Variants in NKAIN3 observed in about 807,000 individuals in gnomAD.
The protein encoded by NKAIN3 is sodium/potassium transporting ATPase interacting 3.
Under a neutral mutation model 30.2 loss-of-function variants are expected in NKAIN3, and 25 were observed. The observed-to-expected ratio is 0.83, with a 90% CI of 0.60 to 1.16. The LOEUF is 1.16. NKAIN3 is among the 50% of genes most tolerant of loss of function. NKAIN3 has a pLI of 0.00. For synonymous variants in NKAIN3, 91 were observed against 89.6 expected (o/e 1.02, Z -0.09); for missense variants, 225 against 254.1 (o/e 0.89, Z 0.78).
chr8:62,311,432 A>T (rs1814426782), intron 1 of NKAIN3, among the ~76,000 whole-genome samples: 1 of 150,404 alleles, frequency 6.6e-6, no homozygotes, highest in African/African-American at 2.5e-5. Context: ...GGGCCTACGG[A>T]TTTAAGTAGT....
At chr8:62,442,675 G>A in intron 1 of NKAIN3, among the ~76,000 whole-genome samples, 1 of 150,714 alleles carries the variant, frequency 6.6e-6, no homozygotes. Flanking sequence ...TATCTAACTT[G>A]TTTTCACTTC....
intron 4 of NKAIN3, among the ~76,000 whole-genome samples, chr8:62,788,567 T>C (rs1563561918): frequency 6.6e-6 from 1 of 152,244 alleles, no homozygotes; most frequent in African/African-American, 2.4e-5. Flanking sequence ...TTTTGGCTTT[T>C]GTTGCCATTG....
chr8:62,494,726 T>C lies in NKAIN3; in HGVS notation c.55-84813T>C, dbSNP rs185431607. On this transcript the variant is annotated intron_variant, in intron 1 of 6. Transcript: ENST00000623646. Reference sequence around the variant, plus strand: ...GTTCAGGGAATCAATTTCGTTCTGGTTCAGTCTTAGGAGGGTGTTATGTGT... The same window carrying C: ...GTTCAGGGAATCAATTTCGTTCTGGCTCAGTCTTAGGAGGGTGTTATGTGT... Among the ~76,000 whole-genome samples the C allele has an allele frequency of 4.6e-4, 70 of 152,160 alleles. 2 individuals carry two copies. The highest frequency in any genetic ancestry group is 1.6e-3 in the African/African-American group (67 of 41,530).
At chr8:62,848,242 C>G (rs28825674) in intron 4 of NKAIN3, among the ~76,000 whole-genome samples, 1 of 152,084 alleles carries the variant, frequency 6.6e-6, no homozygotes, top group Admixed American at 6.6e-5. Flanking sequence ...GGGAGTAGCA[C>G]TGAATCTATA....
At chr8:62,852,394 T>C (rs1563593864) in intron 4 of NKAIN3, among the ~76,000 whole-genome samples, 1 of 152,192 alleles carries the variant, frequency 6.6e-6, no homozygotes, top group Non-Finnish European at 1.5e-5. Context: ...GTTGATCTTT[T>C]CAAAAACCAG....
intron 3 of NKAIN3, among the ~76,000 whole-genome samples, chr8:62,728,858 C>T (rs975905307): frequency 3.3e-4 from 49 of 150,024 alleles, no homozygotes; most frequent in Non-Finnish European, 2.7e-4. Context: ...GGCGTGGTGG[C>T]GGGCGCCTAT....
intron 3 of NKAIN3, among the ~76,000 whole-genome samples, chr8:62,733,896 A>G (rs967018391): frequency 2.6e-5 from 4 of 152,192 alleles, no homozygotes; most frequent in African/African-American, 4.8e-5. Flanking sequence ...TCTTGCTTCA[A>G]TTATGTTTTT....
At chr8:62,556,781 A>G (rs541493458) in intron 1 of NKAIN3, among the ~76,000 whole-genome samples, 14 of 152,124 alleles carry the variant, frequency 9.2e-5, no homozygotes, top group Non-Finnish European at 1.9e-4. Context: ...CATCAAATAT[A>G]TAAAGCAAAA....
intron 3 of NKAIN3, among the ~76,000 whole-genome samples, chr8:62,609,567 A>C (rs1238855001): frequency 6.6e-6 from 1 of 152,166 alleles, no homozygotes; most frequent in African/African-American, 2.4e-5. Context: ...ATTTGCTCTC[A>C]AAGAGCTTTT....
intron 1 of NKAIN3, among the ~76,000 whole-genome samples, chr8:62,313,535 C>G (rs1814515023): frequency 6.6e-6 from 1 of 152,066 alleles, no homozygotes; most frequent in African/African-American, 2.4e-5. Context: ...AGAGCAAGTA[C>G]TCAGGGCATA....
At chr8:62,558,613 G>A (rs1184942916) in intron 1 of NKAIN3, among the ~76,000 whole-genome samples, 1 of 152,022 alleles carries the variant, frequency 6.6e-6, no homozygotes, top group African/African-American at 2.4e-5. Context: ...CATAAGACAA[G>A]TCTCAACAAA....
chr8:62,836,675 G>GGA (rs1819375371), intron 4 of NKAIN3, among the ~76,000 whole-genome samples: 1 of 152,088 alleles, frequency 6.6e-6, no homozygotes. Flanking sequence ...GCCAGCATGA[G>GGA]TCAGCCTGGC....
At chr8:62,890,293 G>A (rs180757253) in intron 4 of NKAIN3, among the ~76,000 whole-genome samples, 1 of 152,276 alleles carries the variant, frequency 6.6e-6, no homozygotes, top group African/African-American at 2.4e-5. Flanking sequence ...ATACCAAATA[G>A]ATGTTTAGCA....
At chr8:62,546,824 A>T (rs1585930465) in intron 1 of NKAIN3, among the ~76,000 whole-genome samples, 1 of 152,208 alleles carries the variant, frequency 6.6e-6, no homozygotes, top group East Asian at 1.9e-4. Flanking sequence ...TACACTTAGA[A>T]TGCTGTCCCT....
intron 1 of NKAIN3, among the ~76,000 whole-genome samples, chr8:62,317,187 T>G (rs1452297037): frequency 1.3e-5 from 2 of 152,228 alleles, no homozygotes; most frequent in Non-Finnish European, 2.9e-5. Flanking sequence ...CTTTGTCAGA[T>G]AAGTGGATTG....
chr8:62,681,049 T>A (rs1372027433), intron 3 of NKAIN3, among the ~76,000 whole-genome samples: 2 of 152,178 alleles, frequency 1.3e-5, no homozygotes, highest in Non-Finnish European at 2.9e-5. Flanking sequence ...GAACAGCAAT[T>A]CTGGTGACTA....
At chr8:62,986,815 C>T (rs1233704232), downstream of NKAIN3, among the ~76,000 whole-genome samples, 1 of 152,120 alleles carries the variant, frequency 6.6e-6, no homozygotes, top group Admixed American at 6.5e-5. Context: ...TTTTATCACC[C>T]TGCTTAAAAT....
intron 1 of NKAIN3, chr8:62,483,772 C>T (rs2129601042): frequency 3.6e-6 from 1 of 278,908 alleles, no homozygotes; most frequent in Non-Finnish European, 6.9e-6. Flanking sequence ...TTTGCAGCTT[C>T]TTCAAGCTCC....
chr8:62,554,822 A>C (rs1036154004), intron 1 of NKAIN3, among the ~76,000 whole-genome samples: 3 of 152,068 alleles, frequency 2.0e-5, no homozygotes, highest in Non-Finnish European at 1.5e-5. Context: ...GAACCCTTTG[A>C]CTTATATCTC....
Sources: gnomAD v4.1 joint callset for allele counts (sites outside exome capture counted in the v4.1 genomes callset) on GRCh38, gnomAD v4.1.1 for gene constraint, MANE v1.5 for transcripts, NCBI Gene and HGNC (gene_info 2026-07-23, HGNC 2026-07-21) for gene names.